The following GALNTL6 variants were observed in gnomAD, a reference collection of about 807,000 sequenced individuals.
GALNTL6 encodes the protein polypeptide N-acetylgalactosaminyltransferase like 6, also known as polypeptide N-acetylgalactosaminyltransferase-like 6.
GALNTL6 carries 46 observed loss-of-function variants against 73.7 expected under a neutral mutation model. The observed-to-expected ratio is 0.62, with a 90% CI of 0.49 to 0.80. The LOEUF is 0.80. Among genes scored for constraint, GALNTL6 ranks in the 30% least tolerant of loss-of-function variants. The pLI is 0.00. For synonymous variants in GALNTL6, 259 were observed against 263.7 expected (o/e 0.98, Z 0.17); for missense variants, 604 against 755.0 (o/e 0.80, Z 2.34).
At chr4:172,368,761 G>A (rs541336666) in intron 5 of GALNTL6, among the ~76,000 whole-genome samples, 18 of 152,294 alleles carry the variant, frequency 1.2e-4, no homozygotes, top group Admixed American at 1.0e-3. Flanking sequence ...TCTTGGTCTC[G>A]CTGACTTCAA....
chr4:172,404,388 A>G (rs940665838), intron 5 of GALNTL6, among the ~76,000 whole-genome samples: 2 of 152,092 alleles, frequency 1.3e-5, no homozygotes, highest in Non-Finnish European at 2.9e-5. Flanking sequence ...AGAAACACAC[A>G]AACTGAATGA....
At chr4:172,150,975 A>G (rs983125584) in intron 2 of GALNTL6, among the ~76,000 whole-genome samples, 6 of 152,160 alleles carry the variant, frequency 3.9e-5, no homozygotes, top group African/African-American at 1.4e-4. Flanking sequence ...TTCTCAATCT[A>G]CTATTTGGCA....
chr4:172,533,334 T>TTC (rs1182171037), intron 5 of GALNTL6, among the ~76,000 whole-genome samples: 2 of 137,062 alleles, frequency 1.5e-5, no homozygotes, highest in African/African-American at 5.5e-5. Context: ...TTTTTTTTTT[T>TTC]TTTTTTTTGA....
chr4:172,620,122 C>T (rs910262390), intron 5 of GALNTL6, among the ~76,000 whole-genome samples: 15 of 152,022 alleles, frequency 9.9e-5, no homozygotes, highest in Non-Finnish European at 1.3e-4. Flanking sequence ...CAAGATGGTT[C>T]GAGCTTATGT....
At chr4:172,234,263 T>C (rs77396446) in intron 3 of GALNTL6, among the ~76,000 whole-genome samples, 7,366 of 152,216 alleles carry the variant, frequency 0.048, 240 homozygotes, top group South Asian at 0.092. Flanking sequence ...TCTCCTATTA[T>C]TATAATTGCT....
At chr4:172,290,460 G>T (rs1672722805) in intron 3 of GALNTL6, among the ~76,000 whole-genome samples, 1 of 152,110 alleles carries the variant, frequency 6.6e-6, no homozygotes. Context: ...CAAGCAGCAA[G>T]TATGAATTGA....
intron 3 of GALNTL6, among the ~76,000 whole-genome samples, chr4:172,289,894 T>A (rs1739403987): frequency 6.6e-6 from 1 of 152,224 alleles, no homozygotes; most frequent in South Asian, 2.1e-4. Context: ...TCTAGACTTC[T>A]TGGTTATTAC....
At chr4:172,561,631 A>G (rs1560808808) in intron 5 of GALNTL6, among the ~76,000 whole-genome samples, 2 of 152,186 alleles carry the variant, frequency 1.3e-5, no homozygotes, top group Non-Finnish European at 2.9e-5. Flanking sequence ...AAAGTTTTCT[A>G]CGAAAGAAAT....
At chr4:172,045,559 C>T (rs1742195140) in intron 2 of GALNTL6, among the ~76,000 whole-genome samples, 2 of 151,866 alleles carry the variant, frequency 1.3e-5, no homozygotes, top group Non-Finnish European at 2.9e-5. Flanking sequence ...GCTTTCCAAA[C>T]ACTCCATACA....
At chr4:171,852,454 A>G (rs1181366210) in intron 2 of GALNTL6, among the ~76,000 whole-genome samples, 1 of 152,076 alleles carries the variant, frequency 6.6e-6, no homozygotes, top group Non-Finnish European at 1.5e-5. Flanking sequence ...TGGGATGCAT[A>G]AAAAGATATA....
intron 5 of GALNTL6, among the ~76,000 whole-genome samples, chr4:172,379,479 G>T (rs1743181285): frequency 7.5e-6 from 1 of 133,510 alleles, no homozygotes; most frequent in Non-Finnish European, 1.5e-5. Flanking sequence ...GCAGTGAGCC[G>T]AGATTGCGCC....
chr4:172,864,141 C>T (rs551493301), intron 7 of GALNTL6, among the ~76,000 whole-genome samples: 38 of 152,260 alleles, frequency 2.5e-4, no homozygotes, highest in Admixed American at 8.5e-4. Context: ...AACCTCTTTC[C>T]GTTATAAATT....
chr4:172,238,479 A>G (rs1016790594), intron 3 of GALNTL6, among the ~76,000 whole-genome samples: 9 of 152,160 alleles, frequency 5.9e-5, no homozygotes, highest in Non-Finnish European at 1.3e-4. Context: ...GAAGTTGTTT[A>G]TACAATCTAG....
chr4:173,019,084 G>T (rs1752890616), intron 11 of GALNTL6, among the ~76,000 whole-genome samples: 1 of 152,174 alleles, frequency 6.6e-6, no homozygotes, highest in Non-Finnish European at 1.5e-5. Context: ...AACAAAAATG[G>T]TAAGACTTGG....
intron 5 of GALNTL6, among the ~76,000 whole-genome samples, chr4:172,749,073 T>TTTG (rs1332029298): frequency 8.9e-5 from 13 of 146,388 alleles, no homozygotes; most frequent in Admixed American, 4.9e-4. Context: ...CAGGCTAATT[T>TTTG]TTGTTGTTGT....
At chr4:171,904,189 T>G (rs1013564346) in intron 2 of GALNTL6, among the ~76,000 whole-genome samples, 3 of 151,962 alleles carry the variant, frequency 2.0e-5, no homozygotes, top group Admixed American at 6.6e-5. Context: ...GACGATCAAA[T>G]TACTCCAAGC....
At chr4:172,946,118 A>G (rs980471397) in intron 9 of GALNTL6, among the ~76,000 whole-genome samples, 18 of 109,086 alleles carry the variant, frequency 1.7e-4, no homozygotes, top group African/African-American at 4.1e-4. Context: ...AGTTTTGGGG[A>G]AAAAGCGTGT....
At chr4:172,045,060 T>C (rs1742180867) in intron 2 of GALNTL6, among the ~76,000 whole-genome samples, 1 of 152,114 alleles carries the variant, frequency 6.6e-6, no homozygotes. Context: ...ATTTTGGCTT[T>C]TCATTGTTCA....
chr4:172,158,660 A>T (rs1266138580), intron 2 of GALNTL6, among the ~76,000 whole-genome samples: 1 of 152,192 alleles, frequency 6.6e-6, no homozygotes, highest in Non-Finnish European at 1.5e-5. Flanking sequence ...CCAAGTGGCA[A>T]AGTTAAACAG....
Sources: gnomAD v4.1 joint callset for allele counts (sites outside exome capture counted in the v4.1 genomes callset) on GRCh38, gnomAD v4.1.1 for gene constraint, MANE v1.5 for transcripts, NCBI Gene and HGNC (gene_info 2026-07-23, HGNC 2026-07-21) for gene names.